AGBL4: variants seen among roughly 807,000 people sequenced by gnomAD.
AGBL4 encodes the protein cytosolic carboxypeptidase 6.
A neutral mutation model predicts 66.4 loss-of-function variants in AGBL4; 58 were observed. The ratio of observed to expected loss-of-function variants is 0.87; its 90% CI spans 0.71 to 1.09. The LOEUF (loss-of-function observed/expected upper bound fraction) is 1.09. Ranked by LOEUF, AGBL4 falls within the 50% of genes least tolerant of loss-of-function variation. The pLI, the probability that AGBL4 is intolerant of heterozygous loss-of-function variation, is 0.00. For synonymous variants in AGBL4, 234 were observed against 222.9 expected (o/e 1.05, Z -0.44); for missense variants, 579 against 631.0 (o/e 0.92, Z 0.88).
intron 4 of AGBL4, among the ~76,000 whole-genome samples, chr1:49,200,954 C>A (rs1184536979): frequency 6.6e-6 from 1 of 152,146 alleles, no homozygotes; most frequent in Non-Finnish European, 1.5e-5. Context: ...GAACATCCCC[C>A]ATTTGGAAGC....
At chr1:49,925,687 C>T (rs114006404) in intron 1 of AGBL4, among the ~76,000 whole-genome samples, 1 of 152,322 alleles carries the variant, frequency 6.6e-6, no homozygotes, top group Non-Finnish European at 1.5e-5. Flanking sequence ...AAATATACCA[C>T]AAGCTGGCTG....
rs755914542 is a variant in AGBL4, at chr1:48,634,553, T to C, written c.891A>G (p.Pro297=). 40 of 1,606,674 alleles carry C rather than the reference T, an allele frequency of 2.5e-5. No homozygotes were observed. The East Asian group carries it at 8.5e-4, about 34-fold the overall frequency. The change falls in exon 9 of 14, where the codon CCA becomes CCG. Residue 297 remains proline (P), a synonymous_variant. Coordinates refer to ENST00000371839, the MANE Select transcript of AGBL4 (RefSeq NM_032785.4). ...DLNRHWLDPS[P]WVHPTLHGVK... ...CTCCATGCAGGGTAGGATGGACCCA[T>C]GGAGAGGGATCCAGCCAGTGACGAT... is the stretch of plus-strand genomic sequence containing the variant.
intron 3 of AGBL4, among the ~76,000 whole-genome samples, chr1:49,341,607 C>T (rs912467657): frequency 2.0e-5 from 3 of 152,156 alleles, no homozygotes; most frequent in Admixed American, 6.5e-5. Context: ...AGGATGTTAA[C>T]GGCTATTCTC....
At chr1:49,820,711 C>G (rs1243575635) in intron 2 of AGBL4, among the ~76,000 whole-genome samples, 1 of 152,124 alleles carries the variant, frequency 6.6e-6, no homozygotes, top group Admixed American at 6.6e-5. Context: ...GCTTGTACTT[C>G]AACTTGGAAA....
intron 2 of AGBL4, chr1:49,846,195 C>A: frequency 6.9e-6 from 10 of 1,458,588 alleles, no homozygotes; most frequent in Non-Finnish European, 9.6e-6. Flanking sequence ...AACCACAGCT[C>A]CTCACTCAGC....
At chr1:48,539,616 C>A in intron 12 of AGBL4, 26 bp downstream of exon 12, 1 of 1,505,190 alleles carries the variant, frequency 6.6e-7, no homozygotes, top group Non-Finnish European at 8.9e-7. Flanking sequence ...GAACTCAAGC[C>A]GAAACCTCTC....
intron 1 of AGBL4, among the ~76,000 whole-genome samples, chr1:49,978,315 G>A (rs963665753): frequency 1.1e-4 from 16 of 152,128 alleles, no homozygotes; most frequent in Non-Finnish European, 2.1e-4. Flanking sequence ...ATAGTGGTAT[G>A]CACTTGTAGT....
chr1:48,788,771 AT>A (rs1645468594), intron 6 of AGBL4, among the ~76,000 whole-genome samples: 2 of 152,182 alleles, frequency 1.3e-5, no homozygotes, highest in African/African-American at 4.8e-5. Context: ...TTGTTCATTC[AT>A]TTATTTACTA....
chr1:49,065,913 G>C (rs749464876), intron 4 of AGBL4, among the ~76,000 whole-genome samples: 6 of 152,212 alleles, frequency 3.9e-5, no homozygotes, highest in Non-Finnish European at 7.3e-5. Context: ...CACGGGGAAA[G>C]TGGTGTTGAG....
Position 49,029,057 on chromosome 1 carries a change from T to A in AGBL4, c.594+16527A>T, listed in dbSNP as rs572366718. Among the ~76,000 whole-genome samples the A allele has an allele frequency of 3.3e-5, 5 of 152,154 alleles. No homozygotes were observed. The South Asian group carries it at 1.0e-3, about 32-fold the overall frequency. The stretch of plus-strand genomic sequence containing the variant: ...CAACAAACTAGAAGAAGAAGAAAAC[T>A]TACTCAACATGATAAAGGGCATCTA... On this transcript the variant is annotated intron_variant, in intron 5 of 13. Transcript: ENST00000371839.
At chr1:48,902,884 A>T (rs1652220553) in intron 5 of AGBL4, among the ~76,000 whole-genome samples, 1 of 152,090 alleles carries the variant, frequency 6.6e-6, no homozygotes, top group Admixed American at 6.5e-5. Flanking sequence ...GATGTTCAAG[A>T]TCCTTAGCCT....
intron 3 of AGBL4, among the ~76,000 whole-genome samples, chr1:49,487,766 A>G (rs1647100140): frequency 6.6e-6 from 1 of 151,882 alleles, no homozygotes; most frequent in Non-Finnish European, 1.5e-5. Context: ...TAAAAATGAA[A>G]AACCTATGGT....
At chr1:48,936,328 A>G (rs959490821) in intron 5 of AGBL4, among the ~76,000 whole-genome samples, 1 of 152,092 alleles carries the variant, frequency 6.6e-6, no homozygotes, top group Non-Finnish European at 1.5e-5. Flanking sequence ...TTCCCTTTCT[A>G]CAGTTTCTCG....
intron 7 of AGBL4, among the ~76,000 whole-genome samples, chr1:48,657,679 G>A (rs1646041648): frequency 6.6e-6 from 1 of 152,124 alleles, no homozygotes. Flanking sequence ...GTGGATAGAA[G>A]GTGGCACCAA....
At chr1:48,798,823 C>T (rs986876497) in intron 6 of AGBL4, among the ~76,000 whole-genome samples, 1 of 152,098 alleles carries the variant, frequency 6.6e-6, no homozygotes, top group African/African-American at 2.4e-5. Flanking sequence ...GATCAGTTGG[C>T]TATAAGTTTT....
At chr1:48,668,149 C>T (rs1646218833) in intron 6 of AGBL4, among the ~76,000 whole-genome samples, 2 of 152,086 alleles carry the variant, frequency 1.3e-5, no homozygotes, top group African/African-American at 4.8e-5. Context: ...TTCTCCAGTA[C>T]TCCAGGGCCC....
intron 5 of AGBL4, among the ~76,000 whole-genome samples, chr1:48,932,873 G>A (rs753117410): frequency 4.0e-5 from 6 of 151,848 alleles, no homozygotes; most frequent in East Asian, 3.9e-4. Flanking sequence ...CCAACTAACC[G>A]GAAACAATGT....
intron 4 of AGBL4, among the ~76,000 whole-genome samples, chr1:49,226,218 A>G (rs1649897706): frequency 6.6e-6 from 1 of 152,198 alleles, no homozygotes; most frequent in South Asian, 2.1e-4. Flanking sequence ...CTTAATGCAT[A>G]GTGAGATCAG....
At chr1:49,211,821 A>G (rs763794517) in intron 4 of AGBL4, among the ~76,000 whole-genome samples, 1 of 152,126 alleles carries the variant, frequency 6.6e-6, no homozygotes, top group Non-Finnish European at 1.5e-5. Flanking sequence ...TTCTTGCTTT[A>G]TCATTTTCAA....
Sources: allele counts gnomAD v4.1 joint callset (sites outside exome capture counted in the v4.1 genomes callset), GRCh38; gene constraint gnomAD v4.1.1; transcripts MANE v1.5; gene names NCBI Gene and HGNC (gene_info 2026-07-23, HGNC 2026-07-21).